The following PCNX1 variants were observed in gnomAD, a reference collection of about 807,000 sequenced individuals.
PCNX1 encodes pecanex 1.
Under a neutral mutation model 242.2 loss-of-function variants are expected in PCNX1, and 78 were observed. The ratio of observed to expected loss-of-function variants is 0.32; its 90% CI spans 0.27 to 0.39. The LOEUF is 0.39. Among genes scored for constraint, PCNX1 ranks in the 10% least tolerant of loss-of-function variants. The pLI is 1.00. For missense variants in PCNX1, 2,581 were observed against 2,856.5 expected, an observed-to-expected ratio of 0.90 and a Z score of 2.20; for synonymous variants, 1,024 against 1,032.9, an observed-to-expected ratio of 0.99 and a Z score of 0.17.
chr14:71,073,777 A>G lies in PCNX1; in HGVS notation c.5085A>G (p.Val1695=), dbSNP rs1373084246. 1 of 1,607,470 alleles carries G rather than the reference A, an allele frequency of 6.2e-7. No homozygotes were observed. The highest frequency in any genetic ancestry group is 8.5e-7 in the Non-Finnish European group (1 of 1,175,208). ...TTCAAGTCTTTGATCTTCGGAAAGT[A>G]CTCACCACTTACTATGTCAAGGTAG... ...SMLQVFDLRK[V]LTTYYVKGII... is the part of the protein sequence containing the mutation. The change falls in exon 27 of 36, where the codon GTA becomes GTG. Residue 1695 remains valine (V), a synonymous_variant. Coordinates refer to ENST00000304743, the MANE Select transcript of PCNX1 (RefSeq NM_014982.3).
Position 71,057,554 on chromosome 14 carries a change from C to G in PCNX1, c.4682C>G (p.Thr1561Ser), listed in dbSNP as rs758088782. Residue 1561 changes from threonine to serine, a missense_variant, in exon 26 of 36, where the codon ACT (threonine) becomes AGT (serine). Thr to Ser is a moderately conservative substitution (Grantham distance 58, BLOSUM62 1). This residue lies in a region of PCNX1 where 99 missense variants were observed against 147.3 expected (regional missense o/e 0.67). Transcript: ENST00000304743. ...AATTCCATCTTTTATGAGCATTTAACTAGATCCCTACAGCACAGCCTCTGT... is the reference window on the plus strand; with the variant it reads ...AATTCCATCTTTTATGAGCATTTAAGTAGATCCCTACAGCACAGCCTCTGT... The part of the protein sequence containing the change: ...NLNSIFYEHL[T>S]RSLQHSLCGD... 2 of 1,613,558 alleles carry G rather than the reference C, an allele frequency of 1.2e-6. No individual in the cohort carries two copies. Among genetic ancestry groups the G allele is most frequent in the Non-Finnish European group, 1.7e-6 (2 of 1,179,558 alleles).
intron 1 of PCNX1, among the ~76,000 whole-genome samples, chr14:70,928,275 A>G (rs992839635): frequency 6.6e-6 from 1 of 152,238 alleles, no homozygotes; most frequent in African/African-American, 2.4e-5. Context: ...TGTTAAAACA[A>G]TAACCTAGCT....
rs1225884371 is a variant in PCNX1 at position 71,108,910 on chromosome 14, G to T, written c.6608G>T (p.Cys2203Phe). 1 of 1,614,078 alleles carries T rather than the reference G, an allele frequency of 6.2e-7. No individual in the cohort carries two copies. The highest frequency in any genetic ancestry group is 1.3e-5 in the African/African-American group (1 of 74,920). Residue 2203 changes from cysteine (C) to phenylalanine (F), a missense_variant, in exon 34 of 36, where the codon TGC becomes TTC. By Grantham distance (205) the Cys-to-Phe change is radical. Around this residue, in one of 9 missense-constraint regions of PCNX1, gnomAD observed 432 missense variants for 433.6 expected, o/e 1.00. Transcript: ENST00000304743. Reference sequence around the variant, plus strand: ...AGCTCCAGCCAAAGCATCCCAGCCTGCAAACATCACACTCTCGTGGGCTTT... The same window carrying T: ...AGCTCCAGCCAAAGCATCCCAGCCTTCAAACATCACACTCTCGTGGGCTTT... ...SSSSSQSIPA[C>F]KHHTLVGFLA...
intron 24 of PCNX1, among the ~76,000 whole-genome samples, 180 bp downstream of exon 24, chr14:71,052,192 A>G (rs893275492): frequency 6.6e-6 from 1 of 151,740 alleles, no homozygotes; most frequent in African/African-American, 2.4e-5. Context: ...GCCAGAGGAA[A>G]TTACTTTTTA....
At chr14:70,947,256 C>A (rs2057494720) in intron 2 of PCNX1, 133 bp downstream of exon 2, 1 of 661,146 alleles carries the variant, frequency 1.5e-6, no homozygotes, top group Admixed American at 2.6e-5. Flanking sequence ...ACTGTAGATA[C>A]AATGATGGGT....
chr14:71,000,746 G>A (rs1248617031), intron 8 of PCNX1, among the ~76,000 whole-genome samples: 2 of 151,958 alleles, frequency 1.3e-5, no homozygotes, highest in South Asian at 2.1e-4. Context: ...GGCTGGTCTC[G>A]AGCTCCTGAC....
chr14:70,919,150 C>T (rs2056269734), intron 1 of PCNX1, among the ~76,000 whole-genome samples: 1 of 152,130 alleles, frequency 6.6e-6, no homozygotes, highest in Admixed American at 6.6e-5. Flanking sequence ...TCCAGAGTCA[C>T]TGGGATTACG....
chr14:71,051,782 C>G (rs1019581606), intron 23 of PCNX1, 101 bp from the exon 24 acceptor site: 1 of 1,100,896 alleles, frequency 9.1e-7, no homozygotes, highest in Non-Finnish European at 1.3e-6. Context: ...CCTCAGTTCT[C>G]TAATTGAGGT....
At chr14:71,028,861 AC>A (rs1375297746) in intron 16 of PCNX1, 70 bp downstream of exon 16, 1 of 855,978 alleles carries the variant, frequency 1.2e-6, no homozygotes, top group Non-Finnish European at 1.8e-6. Flanking sequence ...TTTAAAATCA[AC>A]TAATAATGAT....
chr14:70,990,827 A>G (rs779459148), intron 7 of PCNX1, among the ~76,000 whole-genome samples: 4 of 152,120 alleles, frequency 2.6e-5, no homozygotes, highest in Admixed American at 6.5e-5. Flanking sequence ...GATTTGGAGC[A>G]TAGTCTCAAC....
rs1013855540 is a variant in PCNX1, at chr14:71,051,911, T to C, written c.4476T>C (p.Ala1492=). The change falls in exon 24 of 36, where the codon GCT becomes GCC. Residue 1492 remains alanine, a synonymous_variant. Coordinates refer to ENST00000304743, the MANE Select transcript of PCNX1 (RefSeq NM_014982.3). ...CAGCCATGCTGTTTATTCAGGCTGC[T>C]GTCTCGGCCTTCTTCTCTACTCCAC... is the stretch of plus-strand genomic sequence containing the variant. ...PHSAMLFIQA[A]VSAFFSTPLN... is the part of the protein sequence containing the mutation. 4 of 1,613,714 alleles carry C rather than the reference T, an allele frequency of 2.5e-6. No homozygotes were observed. The highest frequency in any genetic ancestry group is 3.4e-6 in the Non-Finnish European group (4 of 1,179,784).
intron 1 of PCNX1, among the ~76,000 whole-genome samples, chr14:70,915,110 T>C (rs529660199): frequency 1.3e-5 from 2 of 152,286 alleles, no homozygotes; most frequent in South Asian, 4.1e-4. Flanking sequence ...TTTTTTCCTT[T>C]TTATTGCTGA....
chr14:70,920,081 A>C (rs2056319775), intron 1 of PCNX1, among the ~76,000 whole-genome samples: 1 of 152,132 alleles, frequency 6.6e-6, no homozygotes, highest in Non-Finnish European at 1.5e-5. Context: ...AGTGTTGTCT[A>C]GACATATACT....
chr14:71,019,863 C>A (rs140222813), intron 12 of PCNX1, among the ~76,000 whole-genome samples: 70 of 152,016 alleles, frequency 4.6e-4, no homozygotes, highest in Non-Finnish European at 8.7e-4. Context: ...ACCCATCCCA[C>A]CATGCATCCC....
At chr14:70,998,762 A>G (rs1030015500) in intron 8 of PCNX1, among the ~76,000 whole-genome samples, 4 of 151,510 alleles carry the variant, frequency 2.6e-5, no homozygotes, top group Non-Finnish European at 4.4e-5. Context: ...AAAAAAAAAA[A>G]AAAAAAAAAA....
chr14:70,921,016 A>T (rs1248845085), intron 1 of PCNX1, among the ~76,000 whole-genome samples: 1 of 152,106 alleles, frequency 6.6e-6, no homozygotes, highest in Non-Finnish European at 1.5e-5. Flanking sequence ...ATGTTCTTGG[A>T]TGTAGTGTTT....
intron 26 of PCNX1, among the ~76,000 whole-genome samples, chr14:71,066,023 G>GTA (rs2061437725): frequency 6.6e-6 from 1 of 152,142 alleles, no homozygotes; most frequent in Admixed American, 6.6e-5. Flanking sequence ...TAGCCTTGTA[G>GTA]TATAGTTTGA....
chr14:70,991,507 A>G (rs1052658502), intron 7 of PCNX1, among the ~76,000 whole-genome samples: 1 of 152,030 alleles, frequency 6.6e-6, no homozygotes, highest in African/African-American at 2.4e-5. Flanking sequence ...CCCAGCCCCT[A>G]CTACTTATTT....
chr14:71,056,115 G>A (rs189959371), intron 25 of PCNX1, among the ~76,000 whole-genome samples: 1 of 152,258 alleles, frequency 6.6e-6, no homozygotes, highest in Admixed American at 6.5e-5. Flanking sequence ...CCACCCAATA[G>A]TAATCTGTCA....
Sources: gnomAD v4.1 joint callset for allele counts (sites outside exome capture counted in the v4.1 genomes callset) on GRCh38, gnomAD v4.1.1 for gene constraint, gnomAD v4.1.1 regional missense constraint, MANE v1.5 for transcripts, NCBI Gene and HGNC (gene_info 2026-07-23, HGNC 2026-07-21) for gene names.